FHIT: variants seen among roughly 807,000 people sequenced by gnomAD.
The protein encoded by FHIT is bis(5'-adenosyl)-triphosphatase.
In FHIT, 19 loss-of-function variants were observed where a neutral mutation model predicts 17.9. That is an observed-to-expected ratio of 1.06 (90% confidence interval 0.74 to 1.56). FHIT has a LOEUF of 1.56. FHIT is among the 40% of genes most tolerant of loss of function. FHIT has a pLI of 0.00. For synonymous variants in FHIT, 81 were observed against 69.7 expected, an observed-to-expected ratio of 1.16 and a Z score of -0.81; for missense variants, 248 against 189.2, an observed-to-expected ratio of 1.31 and a Z score of -1.82.
intron 5 of FHIT, among the ~76,000 whole-genome samples, chr3:60,091,999 G>A (rs1481037051): frequency 6.6e-6 from 1 of 152,112 alleles, no homozygotes; most frequent in African/African-American, 2.4e-5. Flanking sequence ...ATTAAGTCAG[G>A]AGTCTCCCCC....
At chr3:60,156,599 T>TC (rs397934678) in intron 5 of FHIT, among the ~76,000 whole-genome samples, 1 of 151,424 alleles carries the variant, frequency 6.6e-6, no homozygotes, top group Non-Finnish European at 1.5e-5. Context: ...AATTTTTTTT[T>TC]AAATTAGCCG....
At position 60,552,810 on chromosome 3, in the gene FHIT, G is replaced by A. The variant is rs186700370; in HGVS notation, c.-17-15831C>T. 3.0e-4 allele frequency among the ~76,000 whole-genome samples: 46 copies of A among 152,322 alleles called. 1 individual carries two copies. Among genetic ancestry groups the A allele is most frequent in the Admixed American group, 2.1e-3 (32 of 15,302 alleles). ...AGGAAAGATAATTAAGGAAGATACAGTCTTATACTTTTAACAGTCTCATTT... is the reference window on the plus strand; with the variant it reads ...AGGAAAGATAATTAAGGAAGATACAATCTTATACTTTTAACAGTCTCATTT... On this transcript the variant is annotated intron_variant, in intron 4 of 9. Transcript: ENST00000492590.
chr3:60,150,576 T>A lies in FHIT; in HGVS notation c.104-136424A>T, dbSNP rs911642512. Among the ~76,000 whole-genome samples the A allele has an allele frequency of 6.6e-5, 10 of 152,166 alleles. 1 individual carries two copies. The highest frequency in any genetic ancestry group is 1.5e-5 in the Non-Finnish European group (1 of 68,022). ...GTCTCAGGTGATTCTCCCACCTCAG[T>A]CTCGAAAGTCGCTGAGACTATAGGT... is the stretch of plus-strand genomic sequence containing the variant. On this transcript the variant is annotated intron_variant, in intron 5 of 9. Coordinates refer to ENST00000492590, the MANE Select transcript of FHIT (RefSeq NM_002012.4).
chr3:61,083,143 T>G (rs2035194965), intron 2 of FHIT, among the ~76,000 whole-genome samples: 1 of 152,218 alleles, frequency 6.6e-6, no homozygotes, highest in East Asian at 1.9e-4. Flanking sequence ...TCTTTTCATT[T>G]TTTGCTATTG....
chr3:59,947,301 A>C (rs1003828106), intron 7 of FHIT, among the ~76,000 whole-genome samples: 1 of 152,130 alleles, frequency 6.6e-6, no homozygotes, highest in Non-Finnish European at 1.5e-5. Context: ...GTGTGCATAG[A>C]AGTAGTAGTA....
At chr3:61,101,685 A>C (rs1018067860) in intron 2 of FHIT, among the ~76,000 whole-genome samples, 5 of 152,190 alleles carry the variant, frequency 3.3e-5, no homozygotes, top group African/African-American at 1.2e-4. Flanking sequence ...CCTATCCATG[A>C]GCATGGAATA....
At chr3:60,405,769 A>G (rs188883160) in intron 5 of FHIT, among the ~76,000 whole-genome samples, 177 of 152,350 alleles carry the variant, frequency 1.2e-3, no homozygotes, top group African/African-American at 4.0e-3. Flanking sequence ...TACTGAGTAG[A>G]GGGCAGGGAT....
chr3:61,116,726 G>A (rs1161372467), intron 2 of FHIT, among the ~76,000 whole-genome samples: 1 of 151,936 alleles, frequency 6.6e-6, no homozygotes, highest in African/African-American at 2.4e-5. Context: ...TTTGAAGCCA[G>A]ACAGTTCTAG....
chr3:60,317,933 G>A (rs958773932), intron 5 of FHIT, among the ~76,000 whole-genome samples: 1 of 151,992 alleles, frequency 6.6e-6, no homozygotes, highest in South Asian at 2.1e-4. Flanking sequence ...TGGGACTACA[G>A]GTGCATGTCA....
At chr3:60,983,421 A>T (rs1168720899) in intron 3 of FHIT, among the ~76,000 whole-genome samples, 1 of 152,138 alleles carries the variant, frequency 6.6e-6, no homozygotes, top group Non-Finnish European at 1.5e-5. Context: ...TGTGTGAATG[A>T]CAGCTCCTTT....
At chr3:61,035,642 T>C (rs2033203188) in intron 3 of FHIT, among the ~76,000 whole-genome samples, 1 of 152,184 alleles carries the variant, frequency 6.6e-6, no homozygotes, top group African/African-American at 2.4e-5. Context: ...TTAGCTTGGC[T>C]TTAGCTTTCT....
chr3:60,386,343 C>T (rs1040608573), intron 5 of FHIT, among the ~76,000 whole-genome samples: 4 of 152,158 alleles, frequency 2.6e-5, no homozygotes, highest in African/African-American at 9.7e-5. Context: ...TCCGGCAGCA[C>T]ATTTGAGGGA....
intron 4 of FHIT, among the ~76,000 whole-genome samples, chr3:60,803,859 T>TCTTCAGAAGAAGAAGGTTTGCAAAC (rs554206764): frequency 2.3e-3 from 356 of 152,332 alleles, no homozygotes; most frequent in South Asian, 5.0e-3. Flanking sequence ...GGCCAAGCCT[T>TCTTCAGAAGAAGAAGGTTTGCAAAC]CTTCAGAAGA....
chr3:59,796,452 C>T (rs1037001501), intron 8 of FHIT, among the ~76,000 whole-genome samples: 1 of 152,150 alleles, frequency 6.6e-6, no homozygotes, highest in African/African-American at 2.4e-5. Context: ...GGTCTCTCCT[C>T]GAATGTCAGT....
At chr3:60,447,683 C>A (rs576944591) in intron 5 of FHIT, among the ~76,000 whole-genome samples, 7 of 152,222 alleles carry the variant, frequency 4.6e-5, no homozygotes, top group African/African-American at 1.4e-4. Flanking sequence ...TCACAAGACA[C>A]CCACTAGTAA....
intron 2 of FHIT, among the ~76,000 whole-genome samples, chr3:61,083,151 T>A (rs2035195173): frequency 6.6e-6 from 1 of 152,228 alleles, no homozygotes; most frequent in Non-Finnish European, 1.5e-5. Context: ...TTTTTTGCTA[T>A]TGTTTTAAAA....
chr3:59,929,271 G>A (rs777936722), intron 7 of FHIT, among the ~76,000 whole-genome samples: 2 of 148,626 alleles, frequency 1.3e-5, no homozygotes, highest in Admixed American at 6.7e-5. Flanking sequence ...TACAACACCT[G>A]TATGAAGTAT....
intron 2 of FHIT, among the ~76,000 whole-genome samples, chr3:61,042,431 A>T (rs2033563898): frequency 6.6e-6 from 1 of 152,238 alleles, no homozygotes; most frequent in African/African-American, 2.4e-5. Flanking sequence ...AAGTTGGGGT[A>T]TAAAAGAAAC....
chr3:61,091,441 A>C (rs917521901), intron 2 of FHIT, among the ~76,000 whole-genome samples: 2 of 152,156 alleles, frequency 1.3e-5, no homozygotes, highest in Non-Finnish European at 1.5e-5. Flanking sequence ...TAAATTAGAT[A>C]ATCAATCTAT....
Sources: gnomAD v4.1 joint callset for allele counts (sites outside exome capture counted in the v4.1 genomes callset) on GRCh38, gnomAD v4.1.1 for gene constraint, MANE v1.5 for transcripts, NCBI Gene and HGNC (gene_info 2026-07-23, HGNC 2026-07-21) for gene names.